The following BRINP2 variants were observed in gnomAD, a reference collection of about 807,000 sequenced individuals.
The protein encoded by BRINP2 is BMP/retinoic acid-inducible neural-specific protein 2.
In BRINP2, 21 loss-of-function variants were observed where a neutral mutation model predicts 69.2. The observed-to-expected ratio is 0.30, with a 90% confidence interval of 0.22 to 0.44. The LOEUF is 0.44. Among genes scored for constraint, BRINP2 ranks in the 20% least tolerant of loss-of-function variants. BRINP2 has a pLI of 1.00. For missense variants in BRINP2, 877 were observed against 986.0 expected (o/e 0.89, Z 1.48); for synonymous variants, 380 against 394.1 (o/e 0.96, Z 0.42).
chr1:177,203,006 T>C (rs1438869850), intron 1 of BRINP2, among the ~76,000 whole-genome samples: 1 of 152,130 alleles, frequency 6.6e-6, no homozygotes, highest in African/African-American at 2.4e-5. Context: ...TAAATCATGC[T>C]GCTATAAAGA....
In BRINP2 at chr1:177,204,318, A is replaced by G. The variant is rs1348202369; in HGVS notation, c.-76-25483A>G. On this transcript the variant is annotated intron_variant, in intron 1 of 7. Transcript: ENST00000361539. Reference sequence around the variant, plus strand: ...CCTAGGGTGGAGGTGTGAATCTCATATGCTCTGTGGCTAACTGCCTTGTGA... The same window carrying G: ...CCTAGGGTGGAGGTGTGAATCTCATGTGCTCTGTGGCTAACTGCCTTGTGA... Among the ~76,000 whole-genome samples the G allele has an allele frequency of 2.6e-5, 4 of 152,128 alleles. No homozygotes were observed. The East Asian group carries it at 7.7e-4, about 29-fold the overall frequency.
intron 1 of BRINP2, among the ~76,000 whole-genome samples, chr1:177,219,272 C>T (rs510635): frequency 0.5 from 76,475 of 151,982 alleles, 19,445 homozygotes; most frequent in Middle Eastern, 0.6. Flanking sequence ...GATTGCACCC[C>T]GTTGTCTCCT....
intron 4 of BRINP2, 25 bp from the exon 5 acceptor site, chr1:177,273,463 C>T: frequency 6.6e-7 from 1 of 1,523,990 alleles, no homozygotes; most frequent in Non-Finnish European, 9.0e-7. Context: ...TATCTAAACC[C>T]ACTCCCTACT....
intron 1 of BRINP2, among the ~76,000 whole-genome samples, chr1:177,183,191 T>G (rs1414403002): frequency 1.4e-5 from 2 of 146,946 alleles, no homozygotes; most frequent in Non-Finnish European, 3.0e-5. Flanking sequence ...TTTAGATGTA[T>G]CTCACAAATG....
chr1:177,224,041 C>T lies in BRINP2; in HGVS notation c.-76-5760C>T, dbSNP rs536574176. Among the ~76,000 whole-genome samples, 5 of 152,276 alleles carry T rather than the reference C, an allele frequency of 3.3e-5. No homozygotes were observed. In the South Asian group the frequency reaches 1.0e-3, roughly 32 times the overall value. ...TGCAACAAGAGGGAAGAATAAAAGCCACAGATCTGAGCTGATAGCACCCCC... is the reference window on the plus strand; with the variant it reads ...TGCAACAAGAGGGAAGAATAAAAGCTACAGATCTGAGCTGATAGCACCCCC... On this transcript the variant is annotated intron_variant, in intron 1 of 7. Transcript: ENST00000361539.
chr1:177,179,487 T>C (rs550158541), intron 1 of BRINP2, among the ~76,000 whole-genome samples: 9 of 152,246 alleles, frequency 5.9e-5, no homozygotes, highest in African/African-American at 1.9e-4. Context: ...ATCAATCTAT[T>C]TGTCCCTCCT....
At chr1:177,181,678 A>G (rs1422700025) in intron 1 of BRINP2, among the ~76,000 whole-genome samples, 1 of 152,186 alleles carries the variant, frequency 6.6e-6, no homozygotes, top group Non-Finnish European at 1.5e-5. Flanking sequence ...TATCATCAAT[A>G]CGTCGTTAGG....
intron 2 of BRINP2, among the ~76,000 whole-genome samples, chr1:177,233,599 G>A (rs1649928941): frequency 6.6e-6 from 1 of 152,208 alleles, no homozygotes; most frequent in African/African-American, 2.4e-5. Context: ...CTGTTCTCTT[G>A]CTTTCCTTTT....
At chr1:177,255,548 C>T (rs1229274979) in intron 2 of BRINP2, among the ~76,000 whole-genome samples, 3 of 152,162 alleles carry the variant, frequency 2.0e-5, no homozygotes, top group Admixed American at 6.5e-5. Flanking sequence ...GACTCATTCA[C>T]GGTAAGACAA....
intron 2 of BRINP2, among the ~76,000 whole-genome samples, chr1:177,238,112 G>T (rs988483697): frequency 5.3e-5 from 8 of 152,176 alleles, no homozygotes; most frequent in African/African-American, 1.4e-4. Flanking sequence ...AAGGGCTGGG[G>T]ACAGACCCTG....
At chr1:177,176,165 A>C (rs1372706292) in intron 1 of BRINP2, among the ~76,000 whole-genome samples, 1 of 152,210 alleles carries the variant, frequency 6.6e-6, no homozygotes, top group African/African-American at 2.4e-5. Context: ...CATGAAATGC[A>C]AACTTTTCTG....
chr1:177,280,569 G>A lies in BRINP2; in HGVS notation c.1393G>A (p.Ala465Thr), dbSNP rs377625274. 94 of 1,614,042 alleles carry A rather than the reference G, an allele frequency of 5.8e-5. No individual in the cohort carries two copies. The highest frequency in any genetic ancestry group is 9.9e-5 in the South Asian group (9 of 91,082). The change falls in exon 8 of 8, where the codon GCG becomes ACG. Residue 465 changes from alanine to threonine, a missense_variant. By Grantham distance (58) the Ala-to-Thr change is moderately conservative (BLOSUM62 0). Coordinates refer to ENST00000361539, the MANE Select transcript of BRINP2 (RefSeq NM_021165.4). ...CCCATGTGCCTTGGGCGAAGGGCCC[G>A]CGTGTGCCCACTGTGCTCCAGACAA... ...PIPCALGEGP[A>T]CAHCAPDNST... is the part of the protein sequence containing the mutation.
chr1:177,273,207 C>A (rs146943027), intron 4 of BRINP2, among the ~76,000 whole-genome samples: 10 of 152,290 alleles, frequency 6.6e-5, no homozygotes, highest in Non-Finnish European at 4.4e-5. Flanking sequence ...ACTCCTTCTC[C>A]AGCATTCTCC....
At chr1:177,191,340 T>C (rs1462923914) in intron 1 of BRINP2, among the ~76,000 whole-genome samples, 1 of 152,172 alleles carries the variant, frequency 6.6e-6, no homozygotes, top group African/African-American at 2.4e-5. Flanking sequence ...CTAAACTGAA[T>C]AAAACTCTGG....
At position 177,271,046 on chromosome 1, in the gene BRINP2, T is replaced by G. The variant is rs536054782; in HGVS notation, c.670-2442T>G. 2.0e-5 allele frequency among the ~76,000 whole-genome samples: 3 copies of G among 152,288 alleles called. No individual in the cohort carries two copies. In the East Asian group the frequency reaches 5.8e-4, roughly 29 times the overall value. On this transcript the variant is annotated intron_variant, in intron 4 of 7. Transcript: ENST00000361539. Reference sequence around the variant, plus strand: ...GGCTCATGTGTAACAGCCAGAACACTGGGGTTGTTTAAGTACATTTCCACT... The same window carrying G: ...GGCTCATGTGTAACAGCCAGAACACGGGGGTTGTTTAAGTACATTTCCACT...
intron 6 of BRINP2, among the ~76,000 whole-genome samples, chr1:177,276,813 G>A (rs1046573861): frequency 2.0e-5 from 3 of 152,220 alleles, no homozygotes; most frequent in Non-Finnish European, 4.4e-5. Flanking sequence ...GGTTCTAGAT[G>A]ACATCCAATA....
At chr1:177,193,085 A>T (rs1014019688) in intron 1 of BRINP2, among the ~76,000 whole-genome samples, 15 of 152,342 alleles carry the variant, frequency 9.8e-5, no homozygotes, top group African/African-American at 3.6e-4. Flanking sequence ...TGTGAAGCGT[A>T]AACTGCTTAT....
At chr1:177,199,315 T>C (rs1648836292) in intron 1 of BRINP2, among the ~76,000 whole-genome samples, 1 of 152,102 alleles carries the variant, frequency 6.6e-6, no homozygotes, top group Non-Finnish European at 1.5e-5. Flanking sequence ...TAGAGCACTT[T>C]TGTTTGACTT....
chr1:177,264,948 A>G (rs925088013), intron 4 of BRINP2, among the ~76,000 whole-genome samples: 1 of 152,204 alleles, frequency 6.6e-6, no homozygotes. Flanking sequence ...GAGTTAGAAA[A>G]AACTACTTTA....
Sources: allele counts gnomAD v4.1 joint callset (sites outside exome capture counted in the v4.1 genomes callset), GRCh38; gene constraint gnomAD v4.1.1; transcripts MANE v1.5; gene names NCBI Gene and HGNC (gene_info 2026-07-23, HGNC 2026-07-21).